IST1: variants seen among roughly 807,000 people sequenced by gnomAD.
IST1 encodes the protein IST1 factor associated with ESCRT-III, also known as IST1 homolog.
IST1 carries 23 observed loss-of-function variants against 37.0 expected under a neutral mutation model. The observed-to-expected ratio is 0.62, with a 90% confidence interval of 0.45 to 0.88. IST1 has a LOEUF of 0.88. IST1 is among the 40% of genes least tolerant of loss of function. The pLI is 0.00. For missense variants in IST1, 488 were observed against 445.4 expected, an observed-to-expected ratio of 1.10 and a Z score of -0.86; for synonymous variants, 180 against 161.7, an observed-to-expected ratio of 1.11 and a Z score of -0.86.
chr16:71,895,160 A>G, upstream of IST1: 1 of 259,150 alleles, frequency 3.9e-6, no homozygotes, highest in South Asian at 4.6e-5. Context: ...GGCGTCAGAG[A>G]GGCGGTACTG....
At chr16:71,900,196 A>G (rs1476583127) in intron 1 of IST1, among the ~76,000 whole-genome samples, 3 of 151,578 alleles carry the variant, frequency 2.0e-5, no homozygotes, top group Non-Finnish European at 4.4e-5. Context: ...AGAATAAATA[A>G]AATAACACAC....
In IST1 at chr16:71,930,025, A is replaced by G. The variant is rs57754843; in HGVS notation, c.*2212A>G. On this transcript the variant is annotated 3_prime_UTR_variant, in exon 10 of 10. Transcript: ENST00000378799. ...GGAGCTTTCCCAGTGATATAACAGC[A>G]TGCTAGTTTATCTTTTAGTTACCTA... is the stretch of plus-strand genomic sequence containing the variant. The G allele has an allele frequency of 0.015, 23,149 of 1,540,386 alleles. 2,539 individuals are homozygous for G. The African/African-American group carries it at 0.26, about 17-fold the overall frequency.
intron 1 of IST1, among the ~76,000 whole-genome samples, chr16:71,912,241 A>T (rs1423134695): frequency 6.6e-6 from 1 of 151,856 alleles, no homozygotes; most frequent in Non-Finnish European, 1.5e-5. Flanking sequence ...TCTCCATTAT[A>T]AAAATTTTTT....
chr16:71,916,694 A>C, intron 3 of IST1, 52 bp downstream of exon 3: 1 of 1,463,108 alleles, frequency 6.8e-7, no homozygotes, highest in Non-Finnish European at 9.5e-7. Flanking sequence ...TTGAGAAAGG[A>C]GTAATATGAT....
intron 1 of IST1, among the ~76,000 whole-genome samples, chr16:71,898,129 C>G (rs2037017408): frequency 6.6e-6 from 1 of 152,008 alleles, no homozygotes. Context: ...AATCCCAGCA[C>G]TTTGGGAGGC....
In IST1 at chr16:71,931,083, G is replaced by C. The variant is rs2037941725; in HGVS notation, c.*3270G>C. On this transcript the variant is annotated 3_prime_UTR_variant, in exon 10 of 10. Transcript: ENST00000378799. ...TGTACAATTTTACTGTTTATTTTTTGTTTGCTCTATTTGTTTTTTAATGTT... is the reference window on the plus strand; with the variant it reads ...TGTACAATTTTACTGTTTATTTTTTCTTTGCTCTATTTGTTTTTTAATGTT... The C allele has an allele frequency of 6.6e-6, 1 of 151,990 alleles. No individual in the cohort carries two copies. The highest frequency in any genetic ancestry group is 1.5e-5 in the Non-Finnish European group (1 of 67,954). The allele number at this position is 151,990 out of a possible 1,614,324, so 9.4% of individuals were successfully genotyped here.
At chr16:71,920,967 G>T (rs1414756296) in intron 5 of IST1, 145 bp downstream of exon 5, 1 of 708,894 alleles carries the variant, frequency 1.4e-6, no homozygotes, top group African/African-American at 1.7e-5. Context: ...CTGTGTGGCT[G>T]GCAGTGTGGT....
At chr16:71,920,912 G>T (rs756404287) in intron 5 of IST1, 90 bp downstream of exon 5, 2 of 919,862 alleles carry the variant, frequency 2.2e-6, no homozygotes, top group Admixed American at 1.7e-5. Flanking sequence ...CCACTGTATT[G>T]CTCAGTATGG....
intron 4 of IST1, 41 bp from the exon 5 acceptor site, chr16:71,920,698 G>A (rs370713837): frequency 5.7e-6 from 8 of 1,403,080 alleles, no homozygotes; most frequent in Non-Finnish European, 8.1e-6. Context: ...CAGTCCGTTG[G>A]AGTGGTCTCT....
Position 71,922,643 on chromosome 16 carries a change from C to T in IST1, c.722C>T (p.Ala241Val), listed in dbSNP as rs759903114. The T allele has an allele frequency of 3.2e-5, 52 of 1,613,716 alleles. No individual in the cohort carries two copies. The Admixed American group carries it at 4.3e-4, about 13-fold the overall frequency. Residue 241 changes from alanine to valine, a missense_variant, in exon 7 of 10, where the codon GCA (alanine) becomes GTA (valine). Around this residue, in one of 2 missense-constraint regions of IST1, gnomAD observed 455 missense variants for 386.2 expected, o/e 1.18. Coordinates refer to ENST00000378799, the MANE Select transcript of IST1 (RefSeq NM_001270975.2). ...PMPMPMPMPS[A>V]NTPFSYPLPK... ...CCCATGCCCATGCCTATGCCATCTG[C>T]AAATACGCCTTTCTCATATCCACTG...
chr16:71,898,395 C>G (rs2037025909), intron 1 of IST1, among the ~76,000 whole-genome samples: 1 of 141,986 alleles, frequency 7.0e-6, no homozygotes, highest in South Asian at 2.3e-4. Context: ...AAAAGAAACT[C>G]TCTTGGTGCG....
At chr16:71,906,668 C>T (rs1439287783) in intron 1 of IST1, among the ~76,000 whole-genome samples, 2 of 152,072 alleles carry the variant, frequency 1.3e-5, no homozygotes, top group Non-Finnish European at 2.9e-5. Flanking sequence ...TACTAGTTTT[C>T]CCTCATCTGA....
At chr16:71,911,893 GTT>G (rs2037363076) in intron 1 of IST1, among the ~76,000 whole-genome samples, 1 of 151,566 alleles carries the variant, frequency 6.6e-6, no homozygotes, top group Non-Finnish European at 1.5e-5. Flanking sequence ...AATTTTTGTA[GTT>G]TTGGTACAGT....
At chr16:71,924,652 AACAGGCTCTGTTGC>A in intron 8 of IST1, 103 bp from the exon 9 acceptor site, 1 of 777,866 alleles carries the variant, frequency 1.3e-6, no homozygotes, top group Non-Finnish European at 2.3e-6. Context: ...GTTTCTTTGG[AACAGGCTCTGTTGC>A]ATTTGGTGAG....
At chr16:71,899,676 G>C (rs944289621) in intron 1 of IST1, among the ~76,000 whole-genome samples, 1 of 151,190 alleles carries the variant, frequency 6.6e-6, no homozygotes, top group Non-Finnish European at 1.5e-5. Context: ...AGGAGTTTGA[G>C]ACCAGCCTAG....
Position 71,922,508 on chromosome 16 carries a change from T to A in IST1, c.587T>A (p.Ile196Asn). Residue 196 changes from isoleucine to asparagine, a missense_variant, in exon 7 of 10, where the codon ATT (isoleucine) becomes AAT (asparagine). Ile to Asn is a moderately radical substitution (Grantham distance 149, BLOSUM62 -3). Coordinates refer to ENST00000378799, the MANE Select transcript of IST1 (RefSeq NM_001270975.2). ...CCTCCTGGGGTAGAGACAGATCTTA[T>A]TGATGTTGGATTCACAGATGATGTG... ...EAPPGVETDL[I>N]DVGFTDDVKK... 3 of 1,614,166 alleles carry A rather than the reference T, an allele frequency of 1.9e-6. No homozygotes were observed. Among genetic ancestry groups the A allele is most frequent in the Non-Finnish European group, 2.5e-6 (3 of 1,180,030 alleles).
intron 9 of IST1, among the ~76,000 whole-genome samples, chr16:71,926,959 G>A (rs1057455799): frequency 6.6e-6 from 1 of 152,032 alleles, no homozygotes. Context: ...AATCCCTAAA[G>A]AATGTTGGTT....
At chr16:71,913,029 C>T (rs1236481351) in intron 1 of IST1, among the ~76,000 whole-genome samples, 1 of 152,182 alleles carries the variant, frequency 6.6e-6, no homozygotes, top group East Asian at 1.9e-4. Flanking sequence ...TTGCCTCCAC[C>T]TCTTGGCCAT....
intron 9 of IST1, among the ~76,000 whole-genome samples, chr16:71,926,279 C>G (rs1354412478): frequency 6.6e-6 from 1 of 151,788 alleles, no homozygotes; most frequent in African/African-American, 2.4e-5. Flanking sequence ...GAGACTTTGT[C>G]TAAAAAGAAT....
Sources: allele counts gnomAD v4.1 joint callset (sites outside exome capture counted in the v4.1 genomes callset), GRCh38; gene constraint gnomAD v4.1.1; regional missense constraint gnomAD v4.1.1; transcripts MANE v1.5; gene names NCBI Gene and HGNC (gene_info 2026-07-23, HGNC 2026-07-21).